The following HYCC1 variants were observed in gnomAD, a reference collection of about 807,000 sequenced individuals.
HYCC1 encodes hyccin PI4KA lipid kinase complex subunit 1, also known as hyccin.
the HYCC1 span, among the ~76,000 whole-genome samples, chr7:22,955,521 A>G: frequency 2.0e-5 from 3 of 151,718 alleles, no homozygotes; most frequent in Non-Finnish European, 3.0e-5. Context: ...ATTTGGAACT[A>G]TAACTTAATT....
chr7:22,913,062 T>G, the HYCC1 span, among the ~76,000 whole-genome samples: 3 of 151,654 alleles, frequency 2.0e-5, no homozygotes, highest in African/African-American at 4.8e-5. Context: ...AGGCGGAGGT[T>G]GCAGTGAGCT....
At chr7:22,931,559 A>G in the HYCC1 span, among the ~76,000 whole-genome samples, 1 of 152,148 alleles carries the variant, frequency 6.6e-6, no homozygotes, top group Non-Finnish European at 1.5e-5. Flanking sequence ...TAGAAAACCT[A>G]AATTGCTTTA....
the HYCC1 span, among the ~76,000 whole-genome samples, chr7:23,013,551 G>A: frequency 1.3e-5 from 2 of 152,170 alleles, no homozygotes; most frequent in Non-Finnish European, 2.9e-5. Flanking sequence ...CAGAGGGGCG[G>A]CCGGTGGGGC....
chr7:22,925,547 G>A, the HYCC1 span, among the ~76,000 whole-genome samples: 1 of 152,294 alleles, frequency 6.6e-6, no homozygotes, highest in East Asian at 1.9e-4. Flanking sequence ...ACAAGCCTCG[G>A]TAACCAATGA....
the HYCC1 span, among the ~76,000 whole-genome samples, chr7:22,964,706 T>C: frequency 6.6e-6 from 1 of 152,204 alleles, no homozygotes; most frequent in Non-Finnish European, 1.5e-5. Flanking sequence ...GAGTAAGTTA[T>C]ACCAGGAAAA....
the HYCC1 span, among the ~76,000 whole-genome samples, chr7:22,925,675 G>A: frequency 6.6e-6 from 1 of 152,180 alleles, no homozygotes; most frequent in South Asian, 2.1e-4. Flanking sequence ...AGAAATACGG[G>A]ACTATGTGAA....
chr7:22,931,255 G>GAA, the HYCC1 span, among the ~76,000 whole-genome samples: 513 of 103,768 alleles, frequency 4.9e-3, 8 homozygotes, highest in African/African-American at 0.015. Context: ...CAAAAAAAAA[G>GAA]AAAAAAAAAA....
chr7:22,915,509 C>T, the HYCC1 span, among the ~76,000 whole-genome samples: 1 of 152,198 alleles, frequency 6.6e-6, no homozygotes, highest in East Asian at 1.9e-4. Flanking sequence ...TGCCTGGCAG[C>T]CACTCGCAGA....
At chr7:22,978,853 A>G in the HYCC1 span, among the ~76,000 whole-genome samples, 1 of 152,180 alleles carries the variant, frequency 6.6e-6, no homozygotes, top group East Asian at 1.9e-4. Flanking sequence ...TATTTTAAAC[A>G]TAATTTGGAG....
chr7:22,919,392 G>A, the HYCC1 span, among the ~76,000 whole-genome samples: 2 of 152,128 alleles, frequency 1.3e-5, no homozygotes, highest in African/African-American at 4.8e-5. Context: ...ACCCAGGTGT[G>A]GTGGCACGTG....
the HYCC1 span, among the ~76,000 whole-genome samples, chr7:22,951,539 C>T: frequency 3.3e-5 from 5 of 151,214 alleles, no homozygotes; most frequent in Admixed American, 2.0e-4. Flanking sequence ...CATTCTTTTA[C>T]AATTTATGAG....
chr7:22,978,106 G>T, the HYCC1 span: 1 of 666,370 alleles, frequency 1.5e-6, no homozygotes, highest in Non-Finnish European at 2.6e-6. Context: ...ATGTACGCTT[G>T]TATGTCTCCC....
the HYCC1 span, among the ~76,000 whole-genome samples, chr7:23,006,515 C>G: frequency 6.6e-6 from 1 of 152,184 alleles, no homozygotes; most frequent in Non-Finnish European, 1.5e-5. Context: ...GATCCACCCA[C>G]CTCGGCCTCC....
At chr7:22,961,672 T>G in the HYCC1 span, among the ~76,000 whole-genome samples, 1 of 152,106 alleles carries the variant, frequency 6.6e-6, no homozygotes, top group East Asian at 1.9e-4. Context: ...GAACACTTTA[T>G]GGCCAAATTA....
chr7:22,984,284 C>A, the HYCC1 span, among the ~76,000 whole-genome samples: 1 of 151,846 alleles, frequency 6.6e-6, no homozygotes. Context: ...AACATGTTTA[C>A]CTTAAATTAG....
the HYCC1 span, chr7:22,945,917 G>A: frequency 1.2e-6 from 2 of 1,613,696 alleles, no homozygotes; most frequent in South Asian, 2.2e-5. Flanking sequence ...CTCACTTTGG[G>A]CTCTCTGAGT....
At chr7:22,910,785 G>C in the HYCC1 span, among the ~76,000 whole-genome samples, 1 of 150,808 alleles carries the variant, frequency 6.6e-6, no homozygotes, top group Admixed American at 6.6e-5. Context: ...GGTTTTTTTG[G>C]GGGGGCAACT....
chr7:22,915,700 G>T, the HYCC1 span, among the ~76,000 whole-genome samples: 2 of 152,130 alleles, frequency 1.3e-5, no homozygotes, highest in Non-Finnish European at 2.9e-5. Context: ...TACCTACTCT[G>T]CATTACATTC....
At chr7:22,992,207 G>A in the HYCC1 span, among the ~76,000 whole-genome samples, 2 of 151,862 alleles carry the variant, frequency 1.3e-5, no homozygotes, top group East Asian at 1.9e-4. Context: ...AATGAACAAC[G>A]CAGGTTCTTG....
Sources: gnomAD v4.1 joint callset for allele counts (sites outside exome capture counted in the v4.1 genomes callset) on GRCh38, gnomAD v4.1.1 for gene constraint, MANE v1.5 for transcripts, NCBI Gene and HGNC (gene_info 2026-07-23, HGNC 2026-07-21) for gene names.